The following WWC2 variants were observed in gnomAD, a reference collection of about 807,000 sequenced individuals.
The protein encoded by WWC2 is protein WWC2.
In WWC2, 101 loss-of-function variants were observed where a neutral mutation model predicts 138.5. The observed-to-expected ratio is 0.73, with a 90% CI of 0.62 to 0.86. The LOEUF (loss-of-function observed/expected upper bound fraction) is 0.86. WWC2 is among the 40% of genes least tolerant of loss of function. WWC2 has a pLI of 0.00. For synonymous variants in WWC2, 558 were observed against 538.4 expected, an observed-to-expected ratio of 1.04 and a Z score of -0.50; for missense variants, 1,420 against 1,419.4, an observed-to-expected ratio of 1.00 and a Z score of -0.01.
At position 183,289,392 on chromosome 4, in the gene WWC2, G is replaced by A. The variant is rs1470442531; in HGVS notation, c.3142-1G>A. On this transcript the variant is annotated splice_acceptor_variant, in intron 20 of 22. Coordinates refer to ENST00000403733, the MANE Select transcript of WWC2 (RefSeq NM_024949.6). LOFTEE classifies it high-confidence loss of function. ...TCGTCATTCCGTTTCTAACTATCCA[G>A]ACGGTTTGCCAGTCAGTCCTTAGAA... 5 of 1,610,650 alleles carry A rather than the reference G, an allele frequency of 3.1e-6. No homozygotes were observed. Among genetic ancestry groups the A allele is most frequent in the East Asian group, 2.2e-5 (1 of 44,792 alleles).
intron 2 of WWC2, among the ~76,000 whole-genome samples, chr4:183,206,632 A>G (rs1394402132): frequency 1.3e-5 from 2 of 152,142 alleles, no homozygotes; most frequent in African/African-American, 2.4e-5. Context: ...AACCTCTTTT[A>G]TTTACTCTGT....
At chr4:183,266,435 GT>G (rs1737507563) in intron 14 of WWC2, among the ~76,000 whole-genome samples, 1 of 152,172 alleles carries the variant, frequency 6.6e-6, no homozygotes, top group African/African-American at 2.4e-5. Context: ...AGTTCTTAAA[GT>G]TATTTCACTT....
At chr4:183,138,507 A>G (rs1271064923) in intron 1 of WWC2, among the ~76,000 whole-genome samples, 3 of 152,108 alleles carry the variant, frequency 2.0e-5, no homozygotes, top group South Asian at 2.1e-4. Flanking sequence ...CCATTCTTTT[A>G]TGTGTTATCT....
At chr4:183,110,313 G>A (rs540747296) in intron 1 of WWC2, among the ~76,000 whole-genome samples, 1 of 152,152 alleles carries the variant, frequency 6.6e-6, no homozygotes, top group East Asian at 1.9e-4. Context: ...ACTTTCTTGT[G>A]GCATATTGAT....
intron 16 of WWC2, among the ~76,000 whole-genome samples, chr4:183,277,183 G>C (rs984880226): frequency 7.2e-6 from 1 of 138,734 alleles, no homozygotes. Flanking sequence ...TCCTGTGTCC[G>C]TGTGATCTCA....
At chr4:183,100,451 T>G (rs892189378) in intron 1 of WWC2, among the ~76,000 whole-genome samples, 1 of 152,242 alleles carries the variant, frequency 6.6e-6, no homozygotes, top group Non-Finnish European at 1.5e-5. Context: ...AGAATTATTG[T>G]AAGAATAATA....
chr4:183,161,779 CT>C (rs1733966047), intron 1 of WWC2, among the ~76,000 whole-genome samples: 1 of 152,172 alleles, frequency 6.6e-6, no homozygotes, highest in African/African-American at 2.4e-5. Context: ...GTGTAGTAGG[CT>C]ACACCTCCAG....
chr4:183,296,556 A>G (rs1199835678), intron 21 of WWC2, among the ~76,000 whole-genome samples: 2 of 152,196 alleles, frequency 1.3e-5, no homozygotes, highest in South Asian at 2.1e-4. Context: ...CAGTCACTAA[A>G]TGATACCTGT....
chr4:183,316,792 G>A lies in WWC2; in HGVS notation c.*1063G>A, dbSNP rs1226554682. 6.6e-6 allele frequency: 1 copy of A among 152,144 alleles called. No individual in the cohort carries two copies. The highest frequency in any genetic ancestry group is 2.4e-5 in the African/African-American group (1 of 41,412). The allele number at this position is 152,144 out of a possible 1,614,324, so 9.4% of individuals were successfully genotyped here. On this transcript the variant is annotated 3_prime_UTR_variant, in exon 23 of 23. Transcript: ENST00000403733. ...ACTTCATAGCTCTCATTTTTAGGGG[G>A]TTCTATCTATAATTTATGGTAAATA...
intron 4 of WWC2, among the ~76,000 whole-genome samples, chr4:183,236,625 T>C (rs569548041): frequency 7.9e-5 from 12 of 152,336 alleles, no homozygotes; most frequent in Middle Eastern, 6.8e-3. Context: ...TAGGTTACAG[T>C]TCATCCACAA....
chr4:183,105,252 T>G (rs1290153446), intron 1 of WWC2, among the ~76,000 whole-genome samples: 1 of 152,208 alleles, frequency 6.6e-6, no homozygotes, highest in Non-Finnish European at 1.5e-5. Flanking sequence ...AGTCAGCCAT[T>G]GTGACATGTG....
chr4:183,315,654 C>G lies in WWC2; in HGVS notation c.3513-9C>G, dbSNP rs763574484. Reference sequence around the variant, plus strand: ...ATATAAGTCAATTTATTTCTCACCCCAACTCTAGGGAGAAGATTGCCTACT... The same window carrying G: ...ATATAAGTCAATTTATTTCTCACCCGAACTCTAGGGAGAAGATTGCCTACT... On this transcript the variant is annotated splice_polypyrimidine_tract_variant and intron_variant, in intron 22 of 22. Coordinates refer to ENST00000403733, the MANE Select transcript of WWC2 (RefSeq NM_024949.6). 1.4e-5 allele frequency: 23 copies of G among 1,610,102 alleles called. No homozygotes were observed. Among genetic ancestry groups the G allele is most frequent in the Non-Finnish European group, 2.0e-5 (23 of 1,177,754 alleles).
intron 10 of WWC2, 37 bp downstream of exon 10, chr4:183,259,765 C>G (rs1737267298): frequency 7.3e-7 from 1 of 1,361,738 alleles, no homozygotes; most frequent in Admixed American, 2.1e-5. Flanking sequence ...AAGCTTTTCT[C>G]CGAATAGCAT....
intron 21 of WWC2, among the ~76,000 whole-genome samples, chr4:183,302,619 G>A (rs1671492360): frequency 6.6e-6 from 1 of 152,194 alleles, no homozygotes; most frequent in African/African-American, 2.4e-5. Context: ...GGGAGGGAAA[G>A]TGAACAGGAA....
At chr4:183,174,000 T>C (rs1353731541) in intron 1 of WWC2, among the ~76,000 whole-genome samples, 1 of 152,136 alleles carries the variant, frequency 6.6e-6, no homozygotes, top group African/African-American at 2.4e-5. Flanking sequence ...CAGTAGATCT[T>C]TTCTCTTGGT....
intron 17 of WWC2, 150 bp downstream of exon 17, chr4:183,281,047 G>T (rs747529821): frequency 2.7e-5 from 32 of 1,174,514 alleles, no homozygotes; most frequent in Non-Finnish European, 3.2e-5. Flanking sequence ...TCTTTCCTTG[G>T]TCATTAGAGA....
At chr4:183,221,514 G>C (rs1184521918) in intron 4 of WWC2, among the ~76,000 whole-genome samples, 1 of 152,170 alleles carries the variant, frequency 6.6e-6, no homozygotes, top group Non-Finnish European at 1.5e-5. Flanking sequence ...AATATGAAAA[G>C]AAGTCTCAGT....
intron 1 of WWC2, among the ~76,000 whole-genome samples, chr4:183,115,686 A>T (rs1732387528): frequency 6.6e-6 from 1 of 151,872 alleles, no homozygotes; most frequent in Non-Finnish European, 1.5e-5. Flanking sequence ...CTCATTTTTT[A>T]TGGGGTTGTT....
At chr4:183,203,639 T>G (rs1388917044) in intron 2 of WWC2, 1 of 152,034 alleles carries the variant, frequency 6.6e-6, no homozygotes, top group Non-Finnish European at 1.5e-5. Context: ...AATCTAAGAG[T>G]ACTGTTACTA....
Sources: allele counts gnomAD v4.1 joint callset (sites outside exome capture counted in the v4.1 genomes callset), GRCh38; gene constraint gnomAD v4.1.1; transcripts MANE v1.5; gene names NCBI Gene and HGNC (gene_info 2026-07-23, HGNC 2026-07-21).